Variants in PALM2AKAP2 observed in about 807,000 individuals in gnomAD.
The protein encoded by PALM2AKAP2 is PALM2 and AKAP2 fusion.
In PALM2AKAP2, 37 loss-of-function variants were observed where a neutral mutation model predicts 71.5. The observed-to-expected ratio is 0.52, with a 90% CI of 0.40 to 0.68. PALM2AKAP2 has a LOEUF of 0.68. Among genes scored for constraint, PALM2AKAP2 ranks in the 30% least tolerant of loss-of-function variants. The pLI is 0.00. For synonymous variants in PALM2AKAP2, 468 were observed against 478.8 expected, an observed-to-expected ratio of 0.98 and a Z score of 0.29; for missense variants, 1,224 against 1,191.8, an observed-to-expected ratio of 1.03 and a Z score of -0.40.
rs557000721 is a variant in PALM2AKAP2, at chr9:109,925,221, C to T, written c.394+139C>T. On this transcript the variant is annotated intron_variant, in intron 5 of 9. Transcript: ENST00000302798. Reference sequence around the variant, plus strand: ...AAGAAGTAGCAGCGCTGGTTGCAGGCCACTGAGGAGGTCCACATTCCAAGC... The same window carrying T: ...AAGAAGTAGCAGCGCTGGTTGCAGGTCACTGAGGAGGTCCACATTCCAAGC... 256 of 1,323,012 alleles carry T rather than the reference C, an allele frequency of 1.9e-4. 1 individual carries two copies. The highest frequency in any genetic ancestry group is 2.6e-4 in the Admixed American group (13 of 49,794). The allele number at this position is 1,323,012 out of a possible 1,614,324, so 82.0% of individuals were successfully genotyped here. A position where few individuals can be genotyped will look rare whatever the true frequency, so the allele number is the denominator to read the frequency against.
intron 6 of PALM2AKAP2, among the ~76,000 whole-genome samples, chr9:110,009,488 G>T (rs1375336280): frequency 3.3e-5 from 5 of 152,100 alleles, no homozygotes; most frequent in African/African-American, 1.2e-4. Flanking sequence ...GCCGAGGCGG[G>T]TGGATCACGA....
rs76176652 is a variant in PALM2AKAP2 at position 110,095,034 on chromosome 9, G to A, written c.157-41093G>A. On this transcript the variant is annotated intron_variant, in intron 1 of 3. Coordinates refer to ENST00000374525, the Ensembl canonical transcript of PALM2AKAP2. ...CTGACCATTACATTTTCCCCCTACC[G>A]TATGTGTAGTACTCTGGATTGGTAA... Among the ~76,000 whole-genome samples, 806 of 152,228 alleles carry A rather than the reference G, an allele frequency of 5.3e-3. 11 individuals carry two copies. The highest frequency in any genetic ancestry group is 0.018 in the African/African-American group (760 of 41,518).
At chr9:109,651,541 C>T (rs1484404851) in intron 1 of PALM2AKAP2, among the ~76,000 whole-genome samples, 1 of 152,202 alleles carries the variant, frequency 6.6e-6, no homozygotes, top group Non-Finnish European at 1.5e-5. Flanking sequence ...GATCCTAGCT[C>T]ACACAGCATG....
intron 3 of PALM2AKAP2, among the ~76,000 whole-genome samples, chr9:109,891,219 G>A (rs1020992316): frequency 1.3e-5 from 2 of 152,212 alleles, no homozygotes; most frequent in African/African-American, 2.4e-5. Context: ...AGAAAATGCA[G>A]TTCCACAGGG....
intron 6 of PALM2AKAP2, among the ~76,000 whole-genome samples, chr9:109,974,604 T>C (rs1338181599): frequency 6.6e-6 from 1 of 152,166 alleles, no homozygotes; most frequent in Non-Finnish European, 1.5e-5. Context: ...GTTTCCATTT[T>C]AGTGGCATTG....
intron 5 of PALM2AKAP2, among the ~76,000 whole-genome samples, chr9:109,930,745 G>A (rs573733527): frequency 7.9e-5 from 12 of 152,302 alleles, no homozygotes; most frequent in African/African-American, 2.9e-4. Flanking sequence ...GGATGCAGAG[G>A]AGGGGTCAGT....
intron 1 of PALM2AKAP2, among the ~76,000 whole-genome samples, chr9:109,862,450 A>G (rs552190278): frequency 3.9e-4 from 59 of 152,226 alleles, no homozygotes; most frequent in African/African-American, 1.4e-3. Context: ...ACTTGGAAAA[A>G]TTGCTACTCA....
At position 109,720,973 on chromosome 9, in the gene PALM2AKAP2, T is replaced by C. The variant is rs183880104; in HGVS notation, c.6-59515T>C. On this transcript the variant is annotated intron_variant, in intron 1 of 6. Coordinates refer to the PALM2AKAP2 transcript ENST00000374531. ...CCACCACACACACCACTAAATACTTTAGAGCTTGCTCTCCAAGAGGGAGAG... is the reference window on the plus strand; with the variant it reads ...CCACCACACACACCACTAAATACTTCAGAGCTTGCTCTCCAAGAGGGAGAG... Among the ~76,000 whole-genome samples the C allele has an allele frequency of 1.1e-3, 174 of 152,320 alleles. 1 individual carries two copies. Among genetic ancestry groups the C allele is most frequent in the African/African-American group, 1.2e-4 (5 of 41,566 alleles).
intron 1 of PALM2AKAP2, among the ~76,000 whole-genome samples, chr9:109,822,683 A>C (rs1029935950): frequency 1.3e-5 from 2 of 152,078 alleles, no homozygotes; most frequent in African/African-American, 4.8e-5. Context: ...AGCTCTATCT[A>C]TGTTGCTGCA....
intron 1 of PALM2AKAP2, among the ~76,000 whole-genome samples, chr9:109,647,004 C>G (rs78318591): frequency 6.6e-5 from 10 of 152,232 alleles, no homozygotes; most frequent in African/African-American, 2.4e-4. Flanking sequence ...GTAAATATCC[C>G]CATTTTCCAT....
At chr9:109,646,054 G>A (rs1827148761) in intron 1 of PALM2AKAP2, among the ~76,000 whole-genome samples, 1 of 152,056 alleles carries the variant, frequency 6.6e-6, no homozygotes, top group South Asian at 2.1e-4. Flanking sequence ...AAGAAAAGAG[G>A]GTACTAACTG....
At chr9:110,004,223 T>C (rs1832735419) in intron 6 of PALM2AKAP2, among the ~76,000 whole-genome samples, 2 of 152,224 alleles carry the variant, frequency 1.3e-5, no homozygotes, top group Admixed American at 6.5e-5. Flanking sequence ...AGGGCAGGCC[T>C]GGTGGTGACA....
chr9:110,134,947 T>C (rs1261528550), intron 1 of PALM2AKAP2, among the ~76,000 whole-genome samples: 2 of 151,300 alleles, frequency 1.3e-5, no homozygotes, highest in Non-Finnish European at 2.9e-5. Flanking sequence ...AAAAAGAAAA[T>C]CATCTTATAA....
chr9:109,828,516 C>T (rs1828215774), intron 1 of PALM2AKAP2, among the ~76,000 whole-genome samples: 1 of 152,200 alleles, frequency 6.6e-6, no homozygotes, highest in Non-Finnish European at 1.5e-5. Flanking sequence ...GTGGTCTGTT[C>T]ATGTGAGTTC....
chr9:110,082,693 G>T (rs561151840), intron 1 of PALM2AKAP2, among the ~76,000 whole-genome samples: 1 of 152,174 alleles, frequency 6.6e-6, no homozygotes, highest in African/African-American at 2.4e-5. Flanking sequence ...TGGTTTTGTG[G>T]TAAAATGTAT....
At chr9:109,770,033 G>T (rs1256957101) in intron 1 of PALM2AKAP2, among the ~76,000 whole-genome samples, 1 of 152,154 alleles carries the variant, frequency 6.6e-6, no homozygotes, top group Non-Finnish European at 1.5e-5. Flanking sequence ...GGATTCCTTG[G>T]CATTTGTGCC....
rs114124573 is a variant in PALM2AKAP2, at chr9:110,068,498, G to T, written c.156+19643G>T. On this transcript the variant is annotated intron_variant, in intron 1 of 3. Transcript: ENST00000374525. ...GTGGGTCTGAGGTTTTCTCTACTGA[G>T]GGCAAAATTGGAGCTTTTTTAAAAA... 2.1e-3 allele frequency among the ~76,000 whole-genome samples: 310 copies of T among 145,162 alleles called. 18 individuals are homozygous for T. Among genetic ancestry groups the T allele is most frequent in the South Asian group, 0.013 (58 of 4,572 alleles).
At chr9:109,768,016 G>GA (rs1829187920) in intron 1 of PALM2AKAP2, among the ~76,000 whole-genome samples, 6 of 114,878 alleles carry the variant, frequency 5.2e-5, no homozygotes, top group Non-Finnish European at 8.1e-5. Context: ...TAGGTAGGAA[G>GA]AAAGGAAGGA....
chr9:110,069,105 G>A (rs996887608), intron 1 of PALM2AKAP2, among the ~76,000 whole-genome samples: 2 of 152,320 alleles, frequency 1.3e-5, no homozygotes, highest in African/African-American at 4.8e-5. Flanking sequence ...AGGTTGTGGG[G>A]AAAGAGCCCA....
Sources: allele counts gnomAD v4.1 joint callset (sites outside exome capture counted in the v4.1 genomes callset), GRCh38; gene constraint gnomAD v4.1.1; transcripts MANE v1.5; gene names NCBI Gene and HGNC (gene_info 2026-07-23, HGNC 2026-07-21).